SH3D19: variants seen among roughly 807,000 people sequenced by gnomAD.
The protein encoded by SH3D19 is SH3 domain containing 19.
In SH3D19, 58 loss-of-function variants were observed where a neutral mutation model predicts 112.1. That is an observed-to-expected ratio of 0.52 (90% CI 0.42 to 0.64). The LOEUF is 0.64. Ranked by LOEUF, SH3D19 falls within the 30% of genes least tolerant of loss-of-function variation. The pLI is 0.00. For missense variants in SH3D19, 1,090 were observed against 1,263.4 expected (o/e 0.86, Z 2.08); for synonymous variants, 391 against 448.5 (o/e 0.87, Z 1.62).
chr4:151,152,730 G>A (rs1405502459), intron 9 of SH3D19, among the ~76,000 whole-genome samples: 1 of 151,624 alleles, frequency 6.6e-6, no homozygotes, highest in Non-Finnish European at 1.5e-5. Flanking sequence ...TGTTGGCCAT[G>A]CTGTTCTGGA....
intron 2 of SH3D19, among the ~76,000 whole-genome samples, chr4:151,222,655 GTC>G (rs34787298): frequency 5.4e-5 from 5 of 92,996 alleles, no homozygotes; most frequent in Admixed American, 4.4e-4. Flanking sequence ...TATCTCTTTG[GTC>G]TCTCTCTCTC....
At chr4:151,181,918 C>T (rs983693863) in intron 3 of SH3D19, among the ~76,000 whole-genome samples, 5 of 151,944 alleles carry the variant, frequency 3.3e-5, no homozygotes, top group East Asian at 1.9e-4. Flanking sequence ...GAAATACTGC[C>T]GCAAAGATTT....
chr4:151,176,348 G>T (rs1007018577), intron 6 of SH3D19, among the ~76,000 whole-genome samples, 186 bp downstream of exon 6: 1 of 152,238 alleles, frequency 6.6e-6, no homozygotes, highest in Non-Finnish European at 1.5e-5. Context: ...GCTGCAGTTT[G>T]TAAGAATGAT....
At position 151,122,094 on chromosome 4, in the gene SH3D19, G is replaced by A. The variant is rs369620403; in HGVS notation, c.3141C>T (p.Ser1047=). 1 of 1,520,976 alleles carries A rather than the reference G, an allele frequency of 6.6e-7. No homozygotes were observed. Among genetic ancestry groups the A allele is most frequent in the Non-Finnish European group, 9.1e-7 (1 of 1,096,446 alleles). 94.2% of individuals were successfully genotyped at this position (1,520,976 alleles called of 1,614,324 possible). The part of the protein sequence containing the change: ...PKNYIQFLQI[S] ...GGAACACAGACAAGCTTCTCCTCTA[G>A]CTGATCTGTAGAAACTGTATGTAGT... The change falls in exon 20 of 20, where the codon AGC becomes AGT. Residue 1047 remains serine, a synonymous_variant. Coordinates refer to ENST00000604030, the MANE Select transcript of SH3D19 (RefSeq NM_001378122.1).
At chr4:151,200,164 T>C (rs1412402308) in intron 2 of SH3D19, among the ~76,000 whole-genome samples, 1 of 152,120 alleles carries the variant, frequency 6.6e-6, no homozygotes, top group Non-Finnish European at 1.5e-5. Flanking sequence ...TTGTTTGTCA[T>C]TTATAAGCCA....
At chr4:151,255,881 C>T (rs1190526466) in intron 1 of SH3D19, among the ~76,000 whole-genome samples, 3 of 152,192 alleles carry the variant, frequency 2.0e-5, no homozygotes, top group Non-Finnish European at 4.4e-5. Context: ...TCAGGCGTGG[C>T]GGTGCGAGCC....
chr4:151,314,780 G>A (rs1258739012), intron 1 of SH3D19, among the ~76,000 whole-genome samples: 1 of 152,188 alleles, frequency 6.6e-6, no homozygotes, highest in East Asian at 1.9e-4. Flanking sequence ...AGGGACTGCA[G>A]GGCCATCTAT....
intron 19 of SH3D19, among the ~76,000 whole-genome samples, chr4:151,125,687 G>C (rs1749112981): frequency 6.6e-6 from 1 of 151,064 alleles, no homozygotes; most frequent in Non-Finnish European, 1.5e-5. Flanking sequence ...CCCCGTCTCT[G>C]CTAAAAATAC....
intron 1 of SH3D19, among the ~76,000 whole-genome samples, chr4:151,298,180 A>ATT (rs1775829069): frequency 6.0e-5 from 7 of 116,064 alleles, no homozygotes; most frequent in Non-Finnish European, 1.1e-4. Flanking sequence ...CAGAATAATA[A>ATT]ATTTTTTTTT....
chr4:151,190,641 A>G (rs1392708329), intron 2 of SH3D19, among the ~76,000 whole-genome samples: 1 of 152,236 alleles, frequency 6.6e-6, no homozygotes, highest in Non-Finnish European at 1.5e-5. Context: ...GTGCAAGTGC[A>G]CAGAAGTCAA....
At chr4:151,273,319 G>A (rs764818207) in intron 1 of SH3D19, among the ~76,000 whole-genome samples, 2 of 152,024 alleles carry the variant, frequency 1.3e-5, no homozygotes, top group African/African-American at 4.8e-5. Context: ...AGCCAGGCAC[G>A]GTAGCTCACA....
At chr4:151,135,668 A>G (rs900142741) in intron 14 of SH3D19, among the ~76,000 whole-genome samples, 12 of 152,028 alleles carry the variant, frequency 7.9e-5, no homozygotes, top group African/African-American at 2.7e-4. Context: ...GACTCAAGCA[A>G]TCTGCCTGCC....
chr4:151,291,130 G>A (rs557018644), intron 1 of SH3D19: 10 of 1,610,800 alleles, frequency 6.2e-6, no homozygotes, highest in South Asian at 4.4e-5. Flanking sequence ...TGATTCTGGA[G>A]GGCCTCTGTC....
chr4:151,283,155 C>G (rs1774411207), intron 1 of SH3D19: 1 of 1,613,864 alleles, frequency 6.2e-7, no homozygotes, highest in Non-Finnish European at 8.5e-7. Context: ...AGCAGAAGTA[C>G]CCATTATTGA....
chr4:151,321,330 C>T (rs947933608), intron 1 of SH3D19, among the ~76,000 whole-genome samples: 1 of 152,062 alleles, frequency 6.6e-6, no homozygotes, highest in Non-Finnish European at 1.5e-5. Flanking sequence ...TCCGCCTATT[C>T]CCCCCACCCT....
chr4:151,256,621 A>T (rs1771939992), intron 1 of SH3D19, among the ~76,000 whole-genome samples: 1 of 150,628 alleles, frequency 6.6e-6, no homozygotes, highest in African/African-American at 2.4e-5. Context: ...ATGGGGAAAA[A>T]TTTTCTCCTG....
chr4:151,234,766 TAGACA>T (rs1769903041), intron 1 of SH3D19, among the ~76,000 whole-genome samples: 2 of 87,150 alleles, frequency 2.3e-5, no homozygotes, highest in Admixed American at 1.2e-4. Context: ...TTTTTTTTTT[TAGACA>T]GGGGCTCACT....
Position 151,286,146 on chromosome 4 carries a change from G to A in SH3D19, c.112+39095C>T, listed in dbSNP as rs189819251. ...CAGTGAGCTATATTTGCACCACTGTGCTCCAGGCTGGGTGACACAGTGAGA... is the reference window on the plus strand; with the variant it reads ...CAGTGAGCTATATTTGCACCACTGTACTCCAGGCTGGGTGACACAGTGAGA... On this transcript the variant is annotated intron_variant, in intron 1 of 19. Transcript: ENST00000604030. Among the ~76,000 whole-genome samples, 38 of 134,392 alleles carry A rather than the reference G, an allele frequency of 2.8e-4. No homozygotes were observed. The South Asian group carries it at 3.9e-3, about 14-fold the overall frequency. The allele number at this position is 134,392 out of a possible 152,430, so 88.2% of individuals were successfully genotyped here.
chr4:151,302,500 T>C (rs1330265209), intron 1 of SH3D19, among the ~76,000 whole-genome samples: 1 of 152,186 alleles, frequency 6.6e-6, no homozygotes, highest in Non-Finnish European at 1.5e-5. Context: ...ATTTTGAACC[T>C]GAAAAGAAAC....
Sources: allele counts gnomAD v4.1 joint callset (sites outside exome capture counted in the v4.1 genomes callset), GRCh38; gene constraint gnomAD v4.1.1; transcripts MANE v1.5; gene names NCBI Gene and HGNC (gene_info 2026-07-23, HGNC 2026-07-21).